Variants in CNTNAP2 observed in about 807,000 individuals in gnomAD.
The protein encoded by CNTNAP2 is contactin associated protein 2, also known as contactin-associated protein-like 2.
CNTNAP2 carries 98 observed loss-of-function variants against 155.2 expected under a neutral mutation model. That is an observed-to-expected ratio of 0.63 (90% CI 0.54 to 0.75). The LOEUF is 0.75. Ranked by LOEUF, CNTNAP2 falls within the 30% of genes least tolerant of loss-of-function variation. The pLI is 0.00. For synonymous variants in CNTNAP2, 651 were observed against 631.2 expected, an observed-to-expected ratio of 1.03 and a Z score of -0.47; for missense variants, 1,727 against 1,688.1, an observed-to-expected ratio of 1.02 and a Z score of -0.40.
chr7:148,030,779 G>A (rs1802462898), intron 15 of CNTNAP2, among the ~76,000 whole-genome samples: 1 of 150,290 alleles, frequency 6.7e-6, no homozygotes, highest in African/African-American at 2.5e-5. Context: ...AAACTATTAA[G>A]TGAGTTAGGG....
intron 17 of CNTNAP2, among the ~76,000 whole-genome samples, chr7:148,158,844 T>G (rs929891102): frequency 2.0e-5 from 3 of 152,242 alleles, no homozygotes; most frequent in African/African-American, 7.2e-5. Context: ...AATAATTTCT[T>G]ATACAGATTT....
At chr7:147,585,139 T>C (rs1421203009) in intron 12 of CNTNAP2, among the ~76,000 whole-genome samples, 1 of 152,146 alleles carries the variant, frequency 6.6e-6, no homozygotes, top group Non-Finnish European at 1.5e-5. Flanking sequence ...CTTGACCTAA[T>C]TTACTATCTC....
chr7:147,856,458 C>T (rs1360994912), intron 13 of CNTNAP2, among the ~76,000 whole-genome samples: 2 of 152,170 alleles, frequency 1.3e-5, no homozygotes, highest in Non-Finnish European at 2.9e-5. Context: ...GAAACACCCT[C>T]CTCATAACTT....
At position 147,779,929 on chromosome 7, in the gene CNTNAP2, A is replaced by G. The variant is rs1332146534; in HGVS notation, c.2099-123636A>G. ...TAATCTATTCCCTTTTAACAAATAC[A>G]TAGCTCACAGTAATGCAGAGTATGA... is the stretch of plus-strand genomic sequence containing the variant. On this transcript the variant is annotated intron_variant, in intron 13 of 23. Transcript: ENST00000361727. 2.6e-5 allele frequency among the ~76,000 whole-genome samples: 4 copies of G among 152,224 alleles called. No individual in the cohort carries two copies. In the East Asian group the frequency reaches 5.8e-4, roughly 22 times the overall value.
At chr7:147,588,631 T>C (rs2116839996) in intron 12 of CNTNAP2, among the ~76,000 whole-genome samples, 1 of 152,344 alleles carries the variant, frequency 6.6e-6, no homozygotes, top group East Asian at 1.9e-4. Flanking sequence ...GCTAATCAGA[T>C]GTGCCATTAT....
chr7:146,287,315 AG>A (rs111666382), intron 1 of CNTNAP2, among the ~76,000 whole-genome samples: 4,639 of 152,246 alleles, frequency 0.03, 235 homozygotes, highest in African/African-American at 0.11. Context: ...TCTTCAAAGT[AG>A]GTGTCCCCAC....
intron 23 of CNTNAP2, 38 bp from the exon 24 acceptor site, chr7:148,415,379 C>T (rs766787984): frequency 1.2e-6 from 2 of 1,606,414 alleles, no homozygotes; most frequent in Non-Finnish European, 1.7e-6. Flanking sequence ...GACTCCCAAG[C>T]CCTGTCTAAC....
chr7:147,208,185 G>T (rs1056301153), intron 8 of CNTNAP2, among the ~76,000 whole-genome samples: 1 of 152,030 alleles, frequency 6.6e-6, no homozygotes, highest in Admixed American at 6.6e-5. Flanking sequence ...ACTCTGGGGG[G>T]TCTGCATAGG....
At chr7:147,026,630 T>A (rs1192454420) in intron 3 of CNTNAP2, among the ~76,000 whole-genome samples, 1 of 151,984 alleles carries the variant, frequency 6.6e-6, no homozygotes. Context: ...CATTTTCTTT[T>A]TATTTTTCCC....
chr7:147,599,123 C>T (rs918177431), intron 12 of CNTNAP2, among the ~76,000 whole-genome samples: 12 of 152,080 alleles, frequency 7.9e-5, no homozygotes, highest in Non-Finnish European at 1.8e-4. Context: ...CCGTCTTTTG[C>T]CTAGAACATA....
At chr7:147,636,668 C>T (rs956091208) in intron 12 of CNTNAP2, among the ~76,000 whole-genome samples, 2 of 152,118 alleles carry the variant, frequency 1.3e-5, no homozygotes, top group Non-Finnish European at 2.9e-5. Context: ...TTTTTCAACT[C>T]CCACTCATGA....
chr7:146,735,906 C>T (rs996586520), intron 1 of CNTNAP2, among the ~76,000 whole-genome samples: 6 of 151,928 alleles, frequency 3.9e-5, no homozygotes, highest in Admixed American at 1.3e-4. Flanking sequence ...GAGAGGATTT[C>T]GAACGTTCCC....
At chr7:147,810,034 C>G (rs1050917966) in intron 13 of CNTNAP2, among the ~76,000 whole-genome samples, 2 of 152,128 alleles carry the variant, frequency 1.3e-5, no homozygotes, top group African/African-American at 4.8e-5. Flanking sequence ...CAGCTCTATG[C>G]TTTTATTCAA....
chr7:147,589,547 T>C (rs1800699533), intron 12 of CNTNAP2, among the ~76,000 whole-genome samples: 1 of 152,176 alleles, frequency 6.6e-6, no homozygotes, highest in Non-Finnish European at 1.5e-5. Flanking sequence ...TGCATAGTTT[T>C]ATGGCATGTA....
At chr7:147,954,559 C>T (rs891090765) in intron 14 of CNTNAP2, among the ~76,000 whole-genome samples, 1 of 152,018 alleles carries the variant, frequency 6.6e-6, no homozygotes, top group African/African-American at 2.4e-5. Context: ...CAGTGTTATG[C>T]ATCTTGTTCT....
intron 1 of CNTNAP2, among the ~76,000 whole-genome samples, chr7:146,516,233 G>A (rs1215117985): frequency 6.6e-6 from 1 of 151,834 alleles, no homozygotes; most frequent in Non-Finnish European, 1.5e-5. Context: ...TCAGTAATGG[G>A]GGAAAAAAGC....
chr7:147,497,853 A>G (rs1290525961), intron 11 of CNTNAP2, among the ~76,000 whole-genome samples: 1 of 152,160 alleles, frequency 6.6e-6, no homozygotes, highest in East Asian at 1.9e-4. Flanking sequence ...GGACAGCACA[A>G]ACTTTGTTAA....
intron 20 of CNTNAP2, among the ~76,000 whole-genome samples, chr7:148,253,073 A>ATAGATAGATAGATAGATAGATAGATAGT (rs1169388154): frequency 5.3e-4 from 80 of 152,158 alleles, no homozygotes; most frequent in African/African-American, 1.6e-3. Context: ...AGATAGATAG[A>ATAGATAGATAGATAGATAGATAGATAGT]TATTGATTGA....
chr7:147,155,670 G>A (rs1801910757), intron 8 of CNTNAP2, among the ~76,000 whole-genome samples: 1 of 152,098 alleles, frequency 6.6e-6, no homozygotes, highest in Non-Finnish European at 1.5e-5. Flanking sequence ...GACATGTATT[G>A]TATTTTACCA....
Sources: allele counts gnomAD v4.1 joint callset (sites outside exome capture counted in the v4.1 genomes callset), GRCh38; gene constraint gnomAD v4.1.1; transcripts MANE v1.5; gene names NCBI Gene and HGNC (gene_info 2026-07-23, HGNC 2026-07-21).